The following ZPBP variants were observed in gnomAD, a reference collection of about 807,000 sequenced individuals.
The protein encoded by ZPBP is zona pellucida-binding protein 1.
In ZPBP, 26 loss-of-function variants were observed where a neutral mutation model predicts 44.8. That is an observed-to-expected ratio of 0.58 (90% CI 0.43 to 0.81). ZPBP has a LOEUF of 0.81. Among genes scored for constraint, ZPBP ranks in the 30% least tolerant of loss-of-function variants. The probability of loss-of-function intolerance (pLI) is 0.00; values close to 1 mark genes in which losing one functional copy is unlikely to be tolerated. For synonymous variants in ZPBP, 174 were observed against 153.2 expected, an observed-to-expected ratio of 1.14 and a Z score of -1.00; for missense variants, 409 against 434.0, an observed-to-expected ratio of 0.94 and a Z score of 0.51.
intron 1 of ZPBP, chr7:49,918,660 T>C (rs771952235): frequency 3.3e-5 from 5 of 152,238 alleles, no homozygotes; most frequent in East Asian, 1.9e-4. Flanking sequence ...TATTAGGTGA[T>C]GATTATAGGG....
intron 1 of ZPBP, among the ~76,000 whole-genome samples, chr7:49,909,463 G>A (rs1583815910): frequency 6.6e-6 from 1 of 152,174 alleles, no homozygotes; most frequent in East Asian, 1.9e-4. Context: ...CAGAGCAAGG[G>A]AGGCAGCAAA....
chr7:50,047,004 A>G (rs545328903), intron 4 of ZPBP, among the ~76,000 whole-genome samples: 1 of 152,338 alleles, frequency 6.6e-6, no homozygotes, highest in East Asian at 1.9e-4. Flanking sequence ...AGGGACATGG[A>G]GGAAGCTGGA....
At chr7:49,992,737 G>A (rs916539345) in intron 6 of ZPBP, among the ~76,000 whole-genome samples, 30 of 152,020 alleles carry the variant, frequency 2.0e-4, no homozygotes, top group Admixed American at 1.4e-3. Context: ...TGTAGAAAAC[G>A]GAATTTTCAA....
At chr7:49,940,464 C>G (rs918762470) in intron 7 of ZPBP, among the ~76,000 whole-genome samples, 2 of 151,826 alleles carry the variant, frequency 1.3e-5, no homozygotes, top group African/African-American at 4.8e-5. Context: ...CAAATTAGAT[C>G]TAGGAAATCC....
intron 6 of ZPBP, among the ~76,000 whole-genome samples, chr7:50,012,951 C>G (rs1294590059): frequency 6.6e-6 from 1 of 151,678 alleles, no homozygotes; most frequent in East Asian, 1.9e-4. Context: ...TGGCATGATA[C>G]AAGGATAATA....
chr7:49,905,097 T>C (rs1162207975), intron 1 of ZPBP, among the ~76,000 whole-genome samples: 1 of 152,218 alleles, frequency 6.6e-6, no homozygotes, highest in Admixed American at 6.5e-5. Context: ...TCACTTAAGA[T>C]GAAGAAAGCT....
intron 7 of ZPBP, among the ~76,000 whole-genome samples, chr7:49,982,324 TTA>T (rs1227312193): frequency 1.6e-5 from 1 of 61,410 alleles, no homozygotes; most frequent in Non-Finnish European, 3.2e-5. Flanking sequence ...TAATATATAA[TTA>T]TATAATATAT....
intron 2 of ZPBP, among the ~76,000 whole-genome samples, chr7:49,860,056 G>A (rs1464797093): frequency 1.3e-5 from 2 of 151,800 alleles, no homozygotes; most frequent in African/African-American, 4.8e-5. Flanking sequence ...TTTATCCATA[G>A]TTGTATGCCA....
At chr7:50,011,383 AG>A (rs1346061291) in intron 6 of ZPBP, among the ~76,000 whole-genome samples, 2 of 152,230 alleles carry the variant, frequency 1.3e-5, no homozygotes, top group Admixed American at 6.5e-5. Context: ...TAAACTAAAA[AG>A]CTTCTGCACA....
intron 2 of ZPBP, among the ~76,000 whole-genome samples, chr7:49,885,339 T>A (rs1040560310): frequency 6.6e-6 from 1 of 152,128 alleles, no homozygotes; most frequent in East Asian, 1.9e-4. Flanking sequence ...AACCACAACC[T>A]AATTTTTAAA....
chr7:50,018,490 C>T (rs1798927896), intron 5 of ZPBP, among the ~76,000 whole-genome samples, 174 bp from the exon 6 acceptor site: 1 of 151,948 alleles, frequency 6.6e-6, no homozygotes, highest in Admixed American at 6.6e-5. Flanking sequence ...AATTTGCTTT[C>T]TATAAATCAA....
chr7:49,943,473 A>C lies in ZPBP; in HGVS notation c.962-5851T>G, dbSNP rs148596420. ...TTTATATCACAGACCTCTTGCCAAC[A>C]TTTAGATAGCCAATGAACCCAACAC... On this transcript the variant is annotated intron_variant, in intron 7 of 7. Transcript: ENST00000046087. 2.1e-3 allele frequency: 977 copies of C among 457,010 alleles called. 2 individuals are homozygous for C. The highest frequency in any genetic ancestry group is 3.6e-3 in the Non-Finnish European group (820 of 230,640). 28.3% of individuals were successfully genotyped at this position (457,010 alleles called of 1,614,324 possible).
At chr7:49,936,868 T>G (rs183832818), downstream of ZPBP, among the ~76,000 whole-genome samples, 11 of 152,342 alleles carry the variant, frequency 7.2e-5, no homozygotes, top group Non-Finnish European at 1.5e-4. Context: ...AAATTGCTTT[T>G]TTTCATTCTC....
chr7:50,078,615 A>C (rs1802215706), intron 3 of ZPBP, among the ~76,000 whole-genome samples: 1 of 151,546 alleles, frequency 6.6e-6, no homozygotes, highest in Admixed American at 6.6e-5. Flanking sequence ...AAATACTAAA[A>C]GAAAATCTAG....
intron 6 of ZPBP, among the ~76,000 whole-genome samples, chr7:49,989,365 G>A (rs1445952771): frequency 6.6e-6 from 1 of 152,158 alleles, no homozygotes; most frequent in Non-Finnish European, 1.5e-5. Context: ...CCAACTCACA[G>A]GTTTGAGGGT....
At position 50,018,250 on chromosome 7, in the gene ZPBP, C is replaced by A; in HGVS notation, c.773G>T (p.Arg258Ile). The A allele has an allele frequency of 1.2e-6, 2 of 1,610,608 alleles. No individual in the cohort carries two copies. Among genetic ancestry groups the A allele is most frequent in the South Asian group, 1.1e-5 (1 of 90,988 alleles). ...CTDHNCEPYK[R>I]LFKAKNLIER... ...CCTCACATAACATACCTTAAAAAGTCTTTTGTAAGGTTCACAGTTATGGTC... is the reference window on the plus strand; with the variant it reads ...CCTCACATAACATACCTTAAAAAGTATTTTGTAAGGTTCACAGTTATGGTC... The change falls in exon 6 of 8, where the codon AGA becomes ATA. Residue 258 changes from arginine (R) to isoleucine (I), a missense_variant. Transcript: ENST00000046087.
At chr7:49,931,712 G>A (rs1794450678) in intron 1 of ZPBP, among the ~76,000 whole-genome samples, 2 of 152,222 alleles carry the variant, frequency 1.3e-5, no homozygotes, top group South Asian at 4.1e-4. Flanking sequence ...CATAAGTACT[G>A]AGGAGCCAAA....
chr7:49,963,893 T>TTG (rs1795956260), intron 7 of ZPBP, among the ~76,000 whole-genome samples: 1 of 151,194 alleles, frequency 6.6e-6, no homozygotes, highest in Non-Finnish European at 1.5e-5. Flanking sequence ...GCCAGCATAA[T>TTG]AAAAATGAAA....
downstream of ZPBP, among the ~76,000 whole-genome samples, chr7:49,847,140 A>G (rs1789973560): frequency 6.6e-6 from 1 of 151,842 alleles, no homozygotes; most frequent in African/African-American, 2.4e-5. Flanking sequence ...GGTGTATTTT[A>G]AAAGGGTCAC....
Sources: gnomAD v4.1 joint callset for allele counts (sites outside exome capture counted in the v4.1 genomes callset) on GRCh38, gnomAD v4.1.1 for gene constraint, MANE v1.5 for transcripts, NCBI Gene and HGNC (gene_info 2026-07-23, HGNC 2026-07-21) for gene names.